Variants in TMEM135 observed in about 807,000 individuals in gnomAD.
TMEM135 encodes the protein transmembrane protein 135.
TMEM135 carries 30 observed loss-of-function variants against 60.3 expected under a neutral mutation model. That is an observed-to-expected ratio of 0.50 (90% CI 0.37 to 0.68). The LOEUF (loss-of-function observed/expected upper bound fraction) is 0.68. TMEM135 is among the 30% of genes least tolerant of loss of function. The pLI is 0.00. For synonymous variants in TMEM135, 190 were observed against 186.7 expected, an observed-to-expected ratio of 1.02 and a Z score of -0.14; for missense variants, 468 against 548.8, an observed-to-expected ratio of 0.85 and a Z score of 1.47.
At chr11:87,129,799 C>T (rs7103682) in intron 4 of TMEM135, among the ~76,000 whole-genome samples, 20,692 of 152,000 alleles carry the variant, frequency 0.14, 1,721 homozygotes, top group African/African-American at 0.24. Context: ...CCTTAGCCTC[C>T]GAAAGTTCTG....
rs150724911 is a variant in TMEM135, at chr11:87,259,142, C to T, written c.509+22458C>T. On this transcript the variant is annotated intron_variant, in intron 6 of 14. Coordinates refer to ENST00000305494, the MANE Select transcript of TMEM135 (RefSeq NM_022918.4). ...TCTCCATCAGGCCCCATAGTCTCTCCGACCAGGTCTCATCTAGCTTCTCCT... is the reference window on the plus strand; with the variant it reads ...TCTCCATCAGGCCCCATAGTCTCTCTGACCAGGTCTCATCTAGCTTCTCCT... The T allele has an allele frequency of 4.6e-4, 318 of 685,398 alleles. 1 individual carries two copies. The African/African-American group carries it at 5.0e-3, about 11-fold the overall frequency. The allele number at this position is 685,398 out of a possible 1,614,324, so 42.5% of individuals were successfully genotyped here. A position where few individuals can be genotyped will look rare whatever the true frequency, so the allele number is the denominator to read the frequency against.
Position 87,328,748 on chromosome 11 carries a change from T to C in TMEM135, c.*7415T>C, listed in dbSNP as rs1482527697. The C allele has an allele frequency of 2.2e-6, 1 of 453,996 alleles. No homozygotes were observed. Among genetic ancestry groups the C allele is most frequent in the African/African-American group, 2.0e-5 (1 of 50,010 alleles). The allele number at this position is 453,996 out of a possible 1,614,324, so 28.1% of individuals were successfully genotyped here. ...CACATTTTCTTTATCCACTCATTGG[T>C]CTATGGGCACTTTGGTTGATTCTGT... On this transcript the variant is annotated 3_prime_UTR_variant, in exon 15 of 15. Transcript: ENST00000305494.
intron 9 of TMEM135, among the ~76,000 whole-genome samples, chr11:87,306,550 A>C (rs1474674784): frequency 3.3e-5 from 5 of 152,066 alleles, no homozygotes; most frequent in Admixed American, 2.0e-4. Context: ...GCCTGGCATA[A>C]ATTCTTGACT....
chr11:87,251,616 T>G (rs868488893), intron 6 of TMEM135, among the ~76,000 whole-genome samples: 85 of 151,844 alleles, frequency 5.6e-4, no homozygotes, highest in African/African-American at 1.8e-3. Context: ...TTACCATATA[T>G]ACATGTATAT....
At position 87,120,439 on chromosome 11, in the gene TMEM135, T is replaced by C. The variant is rs376542721; in HGVS notation, c.396+29044T>C. On this transcript the variant is annotated intron_variant, in intron 4 of 14. Coordinates refer to ENST00000305494, the MANE Select transcript of TMEM135 (RefSeq NM_022918.4). ...TAGTCGTATCATGGGGATATATTAC[T>C]TGTATAATAAAATATAGCATGAGAT... 4.7e-5 allele frequency among the ~76,000 whole-genome samples: 7 copies of C among 149,938 alleles called. 1 individual carries two copies. The highest frequency in any genetic ancestry group is 2.1e-4 in the South Asian group (1 of 4,748).
At chr11:87,194,156 C>G (rs1939879260) in intron 5 of TMEM135, among the ~76,000 whole-genome samples, 1 of 152,004 alleles carries the variant, frequency 6.6e-6, no homozygotes, top group South Asian at 2.1e-4. Flanking sequence ...GAAACTGTGG[C>G]TCCACACAAA....
chr11:87,171,293 C>T (rs1336946491), intron 5 of TMEM135, among the ~76,000 whole-genome samples: 2 of 151,402 alleles, frequency 1.3e-5, no homozygotes, highest in African/African-American at 4.9e-5. Context: ...GTACTCTTAT[C>T]ACTGTTTTTC....
At chr11:87,181,954 CTT>C (rs537991762) in intron 5 of TMEM135, among the ~76,000 whole-genome samples, 1 of 137,932 alleles carries the variant, frequency 7.2e-6, no homozygotes. Flanking sequence ...ATGAGGGTGG[CTT>C]TTTTTTTTTA....
At chr11:87,242,771 G>T (rs965053827) in intron 6 of TMEM135, among the ~76,000 whole-genome samples, 2 of 140,014 alleles carry the variant, frequency 1.4e-5, no homozygotes, top group African/African-American at 5.3e-5. Flanking sequence ...CAGATGAGTA[G>T]GTTGCAAAAA....
intron 4 of TMEM135, among the ~76,000 whole-genome samples, chr11:87,155,574 G>T (rs903499140): frequency 6.6e-5 from 10 of 152,126 alleles, no homozygotes; most frequent in African/African-American, 2.4e-4. Context: ...AGCAGAGAGA[G>T]ATGTTTAAGT....
intron 5 of TMEM135, among the ~76,000 whole-genome samples, chr11:87,189,464 C>G (rs1246735766): frequency 6.6e-6 from 1 of 152,088 alleles, no homozygotes; most frequent in Non-Finnish European, 1.5e-5. Context: ...CCCAGCCTGT[C>G]AGACATTTCT....
intron 6 of TMEM135, among the ~76,000 whole-genome samples, chr11:87,261,813 C>T (rs189177686): frequency 2.6e-4 from 39 of 152,074 alleles, no homozygotes; most frequent in Non-Finnish European, 3.7e-4. Flanking sequence ...TTTTTAGAGG[C>T]GGGATCCCCT....
At chr11:87,157,590 T>G in intron 5 of TMEM135, 184 bp downstream of exon 5, 1 of 527,968 alleles carries the variant, frequency 1.9e-6, no homozygotes, top group East Asian at 3.2e-5. Flanking sequence ...AACCAGATCT[T>G]AGATTGAAAA....
chr11:87,228,960 G>A (rs1940827890), intron 5 of TMEM135, among the ~76,000 whole-genome samples: 1 of 152,100 alleles, frequency 6.6e-6, no homozygotes, highest in African/African-American at 2.4e-5. Context: ...ATGACATAGT[G>A]ATGACAGAAT....
At chr11:87,185,134 A>G (rs1939617159) in intron 5 of TMEM135, among the ~76,000 whole-genome samples, 1 of 152,258 alleles carries the variant, frequency 6.6e-6, no homozygotes, top group Non-Finnish European at 1.5e-5. Flanking sequence ...ATATTTCAGT[A>G]TGTATCCTTA....
At chr11:87,257,131 C>T (rs643902) in intron 6 of TMEM135, among the ~76,000 whole-genome samples, 28,469 of 152,042 alleles carry the variant, frequency 0.19, 3,716 homozygotes, top group African/African-American at 0.37. Flanking sequence ...TATATCCTTT[C>T]GAGTTCTGGA....
At chr11:87,222,367 G>T (rs35707386) in intron 5 of TMEM135, among the ~76,000 whole-genome samples, 9,403 of 149,190 alleles carry the variant, frequency 0.063, 351 homozygotes, top group South Asian at 0.11. Context: ...GCGTGGTGGC[G>T]GGCGCCTGTA....
chr11:87,096,167 A>G, intron 4 of TMEM135: 1 of 264,490 alleles, frequency 3.8e-6, no homozygotes, highest in South Asian at 3.8e-5. Context: ...TACTACTTGG[A>G]AAACTAGCAA....
chr11:87,081,503 T>C (rs2135155227), intron 3 of TMEM135, among the ~76,000 whole-genome samples: 1 of 152,294 alleles, frequency 6.6e-6, no homozygotes, highest in East Asian at 1.9e-4. Context: ...GTTTGTTTTT[T>C]CTCTTTCTTT....
Sources: allele counts gnomAD v4.1 joint callset (sites outside exome capture counted in the v4.1 genomes callset), GRCh38; gene constraint gnomAD v4.1.1; transcripts MANE v1.5; gene names NCBI Gene and HGNC (gene_info 2026-07-23, HGNC 2026-07-21).